The following GNAQ variants were observed in gnomAD, a reference collection of about 807,000 sequenced individuals.
GNAQ encodes the protein G protein subunit alpha q.
Under a neutral mutation model 43.9 loss-of-function variants are expected in GNAQ, and 8 were observed. That is an observed-to-expected ratio of 0.18 (90% CI 0.11 to 0.33). The LOEUF (loss-of-function observed/expected upper bound fraction) is 0.33. GNAQ is among the 10% of genes least tolerant of loss of function. The pLI is 1.00. For missense variants in GNAQ, 158 were observed against 450.8 expected (o/e 0.35, Z 5.88); for synonymous variants, 155 against 170.7 (o/e 0.91, Z 0.71).
chr9:77,818,889 A>T (rs1425141143), intron 2 of GNAQ, among the ~76,000 whole-genome samples: 1 of 151,138 alleles, frequency 6.6e-6, no homozygotes, highest in East Asian at 2.0e-4. Context: ...AGTCCCAGCT[A>T]CTTGGGAAGC....
chr9:77,905,556 ACT>A (rs1411172839), intron 2 of GNAQ, among the ~76,000 whole-genome samples: 1 of 152,218 alleles, frequency 6.6e-6, no homozygotes, highest in African/African-American at 2.4e-5. Context: ...AATATTTTAC[ACT>A]GTCAGAAAAC....
rs145903798 is a variant in GNAQ at position 78,013,454 on chromosome 9, C to G, written c.136+17646G>C. Among the ~76,000 whole-genome samples, 280 of 151,926 alleles carry G rather than the reference C, an allele frequency of 1.8e-3. 2 individuals are homozygous for G. Among genetic ancestry groups the G allele is most frequent in the African/African-American group, 6.3e-3 (262 of 41,418 alleles). ...CATTAGGTATATCTCCTAATGCTAT[C>G]CCTCCCCGCTCCCCCCACCCCACAA... On this transcript the variant is annotated intron_variant, in intron 1 of 6. Transcript: ENST00000286548.
At chr9:77,883,138 A>T (rs551502627) in intron 2 of GNAQ, among the ~76,000 whole-genome samples, 88 of 152,336 alleles carry the variant, frequency 5.8e-4, no homozygotes, top group African/African-American at 2.1e-3. Context: ...TGGAAGTTTA[A>T]GTAGGGACAT....
chr9:77,728,428 G>T, intron 6 of GNAQ, 86 bp downstream of exon 6: 1 of 887,350 alleles, frequency 1.1e-6, no homozygotes, highest in Non-Finnish European at 1.9e-6. Flanking sequence ...CAGCAATGGT[G>T]CACTGTAGTG....
intron 3 of GNAQ, among the ~76,000 whole-genome samples, chr9:77,810,126 A>G (rs1826893186): frequency 6.6e-6 from 1 of 152,188 alleles, no homozygotes; most frequent in Non-Finnish European, 1.5e-5. Context: ...AGTGATTTAT[A>G]AAACACCTAA....
intron 2 of GNAQ, among the ~76,000 whole-genome samples, chr9:77,881,938 G>A (rs1828214648): frequency 6.6e-6 from 1 of 152,110 alleles, no homozygotes; most frequent in African/African-American, 2.4e-5. Flanking sequence ...AGGAGTTCGA[G>A]ACCACCTTGG....
At chr9:77,982,733 T>TAA (rs562254223) in intron 1 of GNAQ, among the ~76,000 whole-genome samples, 3 of 121,804 alleles carry the variant, frequency 2.5e-5, no homozygotes, top group Non-Finnish European at 3.5e-5. Flanking sequence ...ATTCTATGTT[T>TAA]AAAAAAAAAA....
intron 2 of GNAQ, among the ~76,000 whole-genome samples, chr9:77,920,221 C>T (rs1448832126): frequency 6.6e-6 from 1 of 152,004 alleles, no homozygotes; most frequent in African/African-American, 2.4e-5. Flanking sequence ...GCATAAATTC[C>T]ACCCCATCTT....
intron 2 of GNAQ, among the ~76,000 whole-genome samples, chr9:77,915,793 G>A (rs889999042): frequency 1.3e-5 from 2 of 152,102 alleles, no homozygotes; most frequent in Non-Finnish European, 2.9e-5. Context: ...TTTTAACAAA[G>A]ACTTAGCAAA....
At chr9:77,917,078 G>A (rs1257426093) in intron 2 of GNAQ, among the ~76,000 whole-genome samples, 1 of 152,114 alleles carries the variant, frequency 6.6e-6, no homozygotes, top group Non-Finnish European at 1.5e-5. Flanking sequence ...GAATTATAAA[G>A]GAAGAAGCTT....
At chr9:77,746,395 A>C (rs1442030245) in intron 5 of GNAQ, among the ~76,000 whole-genome samples, 1 of 152,184 alleles carries the variant, frequency 6.6e-6, no homozygotes, top group East Asian at 1.9e-4. Context: ...GCAACGGAAC[A>C]ACCAGTCCTG....
intron 2 of GNAQ, among the ~76,000 whole-genome samples, chr9:77,910,469 A>G (rs1828781437): frequency 1.3e-5 from 2 of 152,200 alleles, no homozygotes; most frequent in Admixed American, 6.5e-5. Context: ...ACAACTTCCT[A>G]CTAAAATGCG....
chr9:77,899,421 TTGTCTGTGTGTG>T (rs769166394), intron 2 of GNAQ, among the ~76,000 whole-genome samples: 10 of 151,960 alleles, frequency 6.6e-5, no homozygotes, highest in Admixed American at 1.3e-4. Context: ...GTGCATGTGT[TTGTCTGTGTGTG>T]TGTCTGTGTG....
chr9:77,958,073 G>A (rs951820986), intron 1 of GNAQ, among the ~76,000 whole-genome samples: 1 of 152,122 alleles, frequency 6.6e-6, no homozygotes, highest in Non-Finnish European at 1.5e-5. Flanking sequence ...TAACATTTCT[G>A]AGCATTAGTT....
chr9:77,839,945 A>G (rs1827457268), intron 2 of GNAQ, among the ~76,000 whole-genome samples: 1 of 152,226 alleles, frequency 6.6e-6, no homozygotes, highest in Admixed American at 6.5e-5. Flanking sequence ...GAGACTTCTG[A>G]GAGCCAAGTT....
intron 1 of GNAQ, among the ~76,000 whole-genome samples, chr9:77,965,989 A>G (rs143573133): frequency 3.3e-5 from 5 of 152,304 alleles, no homozygotes; most frequent in African/African-American, 1.2e-4. Context: ...ATACAACAAA[A>G]TATGTCTCAG....
At chr9:77,821,663 T>G (rs1055599119) in intron 2 of GNAQ, among the ~76,000 whole-genome samples, 1 of 151,918 alleles carries the variant, frequency 6.6e-6, no homozygotes, top group Non-Finnish European at 1.5e-5. Context: ...ATTTAAAATT[T>G]TGCACTCTCT....
intron 1 of GNAQ, among the ~76,000 whole-genome samples, chr9:77,946,053 T>C (rs139135646): frequency 1.3e-5 from 2 of 152,288 alleles, no homozygotes; most frequent in Non-Finnish European, 2.9e-5. Flanking sequence ...CCTGGAATAG[T>C]TCACAGAACA....
chr9:77,987,653 G>A (rs1036059410), intron 1 of GNAQ, among the ~76,000 whole-genome samples: 3 of 152,088 alleles, frequency 2.0e-5, no homozygotes, highest in African/African-American at 7.2e-5. Flanking sequence ...CCTGTTCTAG[G>A]TACTTAGGAT....
Sources: allele counts gnomAD v4.1 joint callset (sites outside exome capture counted in the v4.1 genomes callset), GRCh38; gene constraint gnomAD v4.1.1; transcripts MANE v1.5; gene names NCBI Gene and HGNC (gene_info 2026-07-23, HGNC 2026-07-21).